Variants in BCL9L observed in about 807,000 individuals in gnomAD.
BCL9L encodes the protein BCL9 like, also known as B-cell CLL/lymphoma 9-like protein.
A neutral mutation model predicts 99.4 loss-of-function variants in BCL9L; 19 were observed. The observed-to-expected ratio is 0.19, with a 90% confidence interval of 0.13 to 0.28. BCL9L has a LOEUF of 0.28. Among genes scored for constraint, BCL9L ranks in the 10% least tolerant of loss-of-function variants. BCL9L has a pLI of 1.00. For synonymous variants in BCL9L, 900 were observed against 854.8 expected, an observed-to-expected ratio of 1.05 and a Z score of -0.92; for missense variants, 2,023 against 2,101.6, an observed-to-expected ratio of 0.96 and a Z score of 0.73.
chr11:118,912,690 A>C (rs999991487), intron 2 of BCL9L, among the ~76,000 whole-genome samples: 2 of 152,128 alleles, frequency 1.3e-5, no homozygotes, highest in African/African-American at 4.8e-5. Context: ...GCCTGCTCCT[A>C]GCTGCCCCCA....
Position 118,901,835 on chromosome 11 carries a change from G to A in BCL9L, c.1908C>T (p.Gly636=), listed in dbSNP as rs1184925306. The change falls in exon 8 of 10, where the codon GGC becomes GGT. Residue 636 remains glycine, a synonymous_variant. Coordinates refer to ENST00000683865, the MANE Select transcript of BCL9L (RefSeq NM_001378213.1). This position sits in a 1 kb window ranked among gnomAD's most constrained non-coding sequence, Gnocchi z 6.6. ...GGGGCAAGTCTTCGGTCCAGCCCAT[G>A]CCTGGTCTCACGGGCCTCTGCATGG... ...MNAMQRPVRP[G]MGWTEDLPPM... 16 of 1,610,276 alleles carry A rather than the reference G, an allele frequency of 9.9e-6. No individual in the cohort carries two copies. The highest frequency in any genetic ancestry group is 1.4e-5 in the Non-Finnish European group (16 of 1,176,898).
At chr11:118,918,359 A>G (rs1941035313) in intron 2 of BCL9L, among the ~76,000 whole-genome samples, 2 of 152,090 alleles carry the variant, frequency 1.3e-5, no homozygotes, top group Admixed American at 6.5e-5. Context: ...CAGAAACCAC[A>G]CTACTGTGGC....
At position 118,901,231 on chromosome 11, in the gene BCL9L, G is replaced by C. The variant is rs752192028; in HGVS notation, c.2512C>G (p.Pro838Ala). The part of the protein sequence containing the change: ...VMGGPQKMLM[P>A]SQFPNQGQQG... The stretch of plus-strand genomic sequence containing the variant: ...TGGCCCTGGTTGGGAAACTGTGAAG[G>C]CATCAGCATCTTCTGCGGGCCGCCC... The change falls in exon 8 of 10, where the codon CCT (proline) becomes GCT (alanine). Residue 838 changes from proline to alanine, a missense_variant. Coordinates refer to ENST00000683865, the MANE Select transcript of BCL9L (RefSeq NM_001378213.1). This position sits in a 1 kb window ranked among gnomAD's most constrained non-coding sequence, Gnocchi z 6.6. The C allele has an allele frequency of 1.9e-6, 3 of 1,613,872 alleles. No homozygotes were observed. The highest frequency in any genetic ancestry group is 1.7e-6 in the Non-Finnish European group (2 of 1,179,964).
At position 118,914,849 on chromosome 11, in the gene BCL9L, G is replaced by A. The variant is rs1353873887; in HGVS notation, c.-77+3977C>T. Among the ~76,000 whole-genome samples, 1 of 152,220 alleles carries A rather than the reference G, an allele frequency of 6.6e-6. No individual in the cohort carries two copies. The highest frequency in any genetic ancestry group is 1.5e-5 in the Non-Finnish European group (1 of 68,040). ...TATGATGCAGTGGAATAAGAACTGA[G>A]TTTGAGGGCCGGGCGCGGTGGCACA... is the stretch of plus-strand genomic sequence containing the variant. On this transcript the variant is annotated intron_variant, in intron 2 of 9. Coordinates refer to ENST00000683865, the MANE Select transcript of BCL9L (RefSeq NM_001378213.1). The surrounding 1 kb of genome is among the most constrained non-coding windows in gnomAD (Gnocchi z 4.4).
chr11:118,909,872 A>G, intron 3 of BCL9L, 42 bp downstream of exon 3: 1 of 1,611,906 alleles, frequency 6.2e-7, no homozygotes, highest in Non-Finnish European at 8.5e-7. Context: ...CCCTTCCCGC[A>G]CTCCACACAC....
Position 118,913,974 on chromosome 11 carries a change from C to T in BCL9L, c.-76-3959G>A, listed in dbSNP as rs558122543. Among the ~76,000 whole-genome samples the T allele has an allele frequency of 1.6e-4, 24 of 152,262 alleles. No homozygotes were observed. The South Asian group carries it at 2.9e-3, about 18-fold the overall frequency. On this transcript the variant is annotated intron_variant, in intron 2 of 9. Coordinates refer to ENST00000683865, the MANE Select transcript of BCL9L (RefSeq NM_001378213.1). ...AGGCAGTGGTGGCTGGAATTAGCCCCACCGGCCCAAATATATCTGGTCTCT... is the reference window on the plus strand; with the variant it reads ...AGGCAGTGGTGGCTGGAATTAGCCCTACCGGCCCAAATATATCTGGTCTCT...
At position 118,901,813 on chromosome 11, in the gene BCL9L, G is replaced by A. The variant is rs751763790; in HGVS notation, c.1930C>T (p.Pro644Ser). The A allele has an allele frequency of 6.2e-7, 1 of 1,610,380 alleles. No individual in the cohort carries two copies. Among genetic ancestry groups the A allele is most frequent in the East Asian group, 2.2e-5 (1 of 44,750 alleles). ...RPGMGWTEDL[P>S]PMGGPSNFAQ... is the part of the protein sequence containing the mutation. ...AAATTGCTGGGTCCCCCCATAGGGGGCAAGTCTTCGGTCCAGCCCATGCCT... is the reference window on the plus strand; with the variant it reads ...AAATTGCTGGGTCCCCCCATAGGGGACAAGTCTTCGGTCCAGCCCATGCCT... Residue 644 changes from proline (P) to serine (S), a missense_variant, in exon 8 of 10, where the codon CCC (proline) becomes TCC (serine). Transcript: ENST00000683865. The surrounding 1 kb of genome is among the most constrained non-coding windows in gnomAD (Gnocchi z 6.6).
rs180950781 is a variant in BCL9L, at chr11:118,918,056, G to A, written c.-77+770C>T. Among the ~76,000 whole-genome samples, 11 of 152,282 alleles carry A rather than the reference G, an allele frequency of 7.2e-5. No homozygotes were observed. The East Asian group carries it at 2.1e-3, about 29-fold the overall frequency. ...CAGGACCACTTCCTTGGTGTCCCTT[G>A]GGGGGTGGCTTCAGTGGAGAGGTTC... On this transcript the variant is annotated intron_variant, in intron 2 of 9. Transcript: ENST00000683865.
chr11:118,907,238 C>T (rs1176433767), intron 5 of BCL9L, among the ~76,000 whole-genome samples: 1 of 152,108 alleles, frequency 6.6e-6, no homozygotes, highest in African/African-American at 2.4e-5. Context: ...GTGCAGGTGA[C>T]GTGACCAAGA....
intron 1 of BCL9L, 42 bp from the exon 2 acceptor site, chr11:118,918,921 T>C (rs1941055561): frequency 6.6e-6 from 1 of 151,682 alleles, no homozygotes; most frequent in Non-Finnish European, 1.5e-5. Flanking sequence ...CTTCTAGCAA[T>C]CTATGTCCCC....
intron 2 of BCL9L, chr11:118,911,345 T>G: frequency 4.5e-6 from 2 of 440,058 alleles, no homozygotes; most frequent in Non-Finnish European, 9.2e-6. Flanking sequence ...GGCGGGGACC[T>G]GGGGGTGAGG....
chr11:118,910,096 C>G, intron 2 of BCL9L, 81 bp from the exon 3 acceptor site: 1 of 980,530 alleles, frequency 1.0e-6, no homozygotes, highest in Non-Finnish European at 1.5e-6. Context: ...GAGGACCCAA[C>G]AGCCCTGGGA....
intron 2 of BCL9L, among the ~76,000 whole-genome samples, chr11:118,915,066 C>T (rs534725987): frequency 1.8e-4 from 27 of 152,056 alleles, no homozygotes; most frequent in African/African-American, 5.8e-4. Flanking sequence ...ACCCAGGAGG[C>T]GGAGGTTGCA....
chr11:118,902,728 C>T lies in BCL9L; in HGVS notation c.1015G>A (p.Val339Met). 1 of 1,597,398 alleles carries T rather than the reference C, an allele frequency of 6.3e-7. No homozygotes were observed. The highest frequency in any genetic ancestry group is 2.2e-5 in the East Asian group (1 of 44,800). Reference sequence around the variant, plus strand: ...CCACCACCTGTGCTGGCAGCTCCCACCGAGTTGGGGGCCAGGTCCTGACTG... The same window carrying T: ...CCACCACCTGTGCTGGCAGCTCCCATCGAGTTGGGGGCCAGGTCCTGACTG... ...DSSQDLAPNSVGAASTGGGTG... is the reference protein window; with the variant it reads ...DSSQDLAPNSMGAASTGGGTG... The change falls in exon 8 of 10, where the codon GTG becomes ATG. Residue 339 changes from valine (V) to methionine (M), a missense_variant. By Grantham distance (21) the Val-to-Met change is conservative. This residue lies in a region of BCL9L where 1,116 missense variants were observed against 1,194.6 expected (regional missense o/e 0.93). Coordinates refer to ENST00000683865, the MANE Select transcript of BCL9L (RefSeq NM_001378213.1). The surrounding 1 kb of genome is among the most constrained non-coding windows in gnomAD (Gnocchi z 7.8).
chr11:118,913,536 A>G (rs1235847343), intron 2 of BCL9L, among the ~76,000 whole-genome samples: 1 of 152,106 alleles, frequency 6.6e-6, no homozygotes, highest in Non-Finnish European at 1.5e-5. Flanking sequence ...CAGCTACCCA[A>G]TCCCCAGCTG....
rs1940317312 is a variant in BCL9L, at chr11:118,902,654, G to A, written c.1089C>T (p.Asn363=). 1 of 1,599,582 alleles carries A rather than the reference G, an allele frequency of 6.3e-7. No individual in the cohort carries two copies. The highest frequency in any genetic ancestry group is 8.5e-7 in the Non-Finnish European group (1 of 1,179,820). The change falls in exon 8 of 10, where the codon AAC becomes AAT. Residue 363 remains asparagine, a synonymous_variant. Coordinates refer to ENST00000683865, the MANE Select transcript of BCL9L (RefSeq NM_001378213.1). This position sits in a 1 kb window ranked among gnomAD's most constrained non-coding sequence, Gnocchi z 7.8. ...PNTPTATTAN[N]PLPPGGDPSS... ...TGGGGTCTCCTCCAGGAGGCAGAGG[G>A]TTGTTGGCGGTGGTAGCCGTCGGGG...
rs749949621 is a variant in BCL9L, at chr11:118,901,272, T to C, written c.2471A>G (p.Asn824Ser). 6.2e-7 allele frequency: 1 copy of C among 1,613,992 alleles called. No homozygotes were observed. Among genetic ancestry groups the C allele is most frequent in the Non-Finnish European group, 8.5e-7 (1 of 1,179,966 alleles). ...CGGGCCGCCCATCACGCCACTGCTG[T>C]TCTGGGCCCGAACCCGGGCCATCTC... ...PEEMARVRAQ[N>S]SSGVMGGPQK... Residue 824 changes from asparagine (N) to serine (S), a missense_variant, in exon 8 of 10, where the codon AAC (asparagine) becomes AGC (serine). By Grantham distance (46) the Asn-to-Ser change is conservative. Around this residue, in one of 3 missense-constraint regions of BCL9L, gnomAD observed 1,116 missense variants for 1,194.6 expected, o/e 0.93. Coordinates refer to ENST00000683865, the MANE Select transcript of BCL9L (RefSeq NM_001378213.1). This position sits in a 1 kb window ranked among gnomAD's most constrained non-coding sequence, Gnocchi z 6.6.
intron 4 of BCL9L, 72 bp downstream of exon 4, chr11:118,908,198 G>A: frequency 6.7e-7 from 1 of 1,499,718 alleles, no homozygotes. Flanking sequence ...GAGCAGAGAG[G>A]TGATCTCCCA....
intron 2 of BCL9L, among the ~76,000 whole-genome samples, chr11:118,916,427 C>A (rs1415435375): frequency 6.6e-6 from 1 of 152,194 alleles, no homozygotes; most frequent in African/African-American, 2.4e-5. Context: ...CCAGAAGTTC[C>A]CAAGCCTCAG....
Sources: gnomAD v4.1 joint callset for allele counts (sites outside exome capture counted in the v4.1 genomes callset) on GRCh38, gnomAD v4.1.1 for gene constraint, gnomAD v4.1.1 regional missense constraint, Gnocchi (gnomAD v3.1) non-coding constraint, MANE v1.5 for transcripts, NCBI Gene and HGNC (gene_info 2026-07-23, HGNC 2026-07-21) for gene names.